ALK: variants seen among roughly 807,000 people sequenced by gnomAD.
ALK encodes ALK tyrosine kinase receptor.
Under a neutral mutation model 163.1 loss-of-function variants are expected in ALK, and 74 were observed. That is an observed-to-expected ratio of 0.45 (90% CI 0.38 to 0.55). The LOEUF is 0.55. Ranked by LOEUF, ALK falls within the 20% of genes least tolerant of loss-of-function variation. ALK has a pLI of 0.00. For synonymous variants in ALK, 960 were observed against 843.2 expected, an observed-to-expected ratio of 1.14 and a Z score of -2.40; for missense variants, 2,063 against 2,105.3, an observed-to-expected ratio of 0.98 and a Z score of 0.39.
At chr2:29,747,434 G>C (rs1245503165) in intron 1 of ALK, among the ~76,000 whole-genome samples, 1 of 152,222 alleles carries the variant, frequency 6.6e-6, no homozygotes, top group Non-Finnish European at 1.5e-5. Flanking sequence ...AAAAATGGAA[G>C]TTTCCTTTAC....
chr2:29,293,240 ATT>A (rs1377304981), intron 9 of ALK, among the ~76,000 whole-genome samples: 1 of 152,216 alleles, frequency 6.6e-6, no homozygotes, highest in Non-Finnish European at 1.5e-5. Flanking sequence ...TGTTAGATAG[ATT>A]CCATCAAGTG....
At chr2:29,684,610 A>C (rs537119892) in intron 3 of ALK, among the ~76,000 whole-genome samples, 8 of 152,338 alleles carry the variant, frequency 5.3e-5, no homozygotes, top group African/African-American at 1.7e-4. Context: ...ACCCCTCTGA[A>C]GACACGGCAC....
intron 1 of ALK, among the ~76,000 whole-genome samples, chr2:29,883,010 T>C (rs1666903243): frequency 6.6e-6 from 1 of 151,626 alleles, no homozygotes; most frequent in African/African-American, 2.4e-5. Flanking sequence ...AATGTTTATA[T>C]TGATAGAGAA....
Position 29,725,652 on chromosome 2 carries a change from C to T in ALK, c.668-7955G>A, listed in dbSNP as rs184197262. On this transcript the variant is annotated intron_variant, in intron 1 of 28. Coordinates refer to ENST00000389048, the MANE Select transcript of ALK (RefSeq NM_004304.5). Reference sequence around the variant, plus strand: ...TTGATTTCTTTTCTTTTTTTTTTTGCTCATTGATTTAGAAAAAATTAGGAA... The same window carrying T: ...TTGATTTCTTTTCTTTTTTTTTTTGTTCATTGATTTAGAAAAAATTAGGAA... Among the ~76,000 whole-genome samples, 233 of 149,518 alleles carry T rather than the reference C, an allele frequency of 1.6e-3. 4 individuals are homozygous for T. The highest frequency in any genetic ancestry group is 3.3e-4 in the Non-Finnish European group (22 of 67,446).
chr2:29,282,873 G>A (rs1665751039), intron 9 of ALK, among the ~76,000 whole-genome samples: 1 of 152,204 alleles, frequency 6.6e-6, no homozygotes, highest in Non-Finnish European at 1.5e-5. Flanking sequence ...GCTCCCTCCT[G>A]TGCTCTGGTG....
At chr2:29,841,873 C>T (rs1228961029) in intron 1 of ALK, among the ~76,000 whole-genome samples, 1 of 152,138 alleles carries the variant, frequency 6.6e-6, no homozygotes, top group Non-Finnish European at 1.5e-5. Flanking sequence ...GTTCCTTGAC[C>T]CTTATGCCTT....
chr2:29,577,634 G>A (rs1280379498), intron 3 of ALK, among the ~76,000 whole-genome samples: 1 of 145,462 alleles, frequency 6.9e-6, no homozygotes, highest in African/African-American at 2.6e-5. Flanking sequence ...TGCCCATCAT[G>A]GGACCATCCT....
intron 4 of ALK, among the ~76,000 whole-genome samples, chr2:29,467,906 T>C (rs1295189911): frequency 3.3e-5 from 5 of 152,318 alleles, no homozygotes; most frequent in East Asian, 3.9e-4. Context: ...AATATTGTTA[T>C]GTAACATATT....
chr2:29,367,873 CTCTGAAATCA>C (rs1190222848), intron 5 of ALK, among the ~76,000 whole-genome samples: 1 of 152,176 alleles, frequency 6.6e-6, no homozygotes, highest in Admixed American at 6.5e-5. Flanking sequence ...TTAAATGAAT[CTCTGAAATCA>C]TCTGAAATAT....
intron 1 of ALK, among the ~76,000 whole-genome samples, chr2:29,826,839 G>A (rs1665216318): frequency 1.3e-5 from 2 of 152,186 alleles, no homozygotes; most frequent in Admixed American, 6.5e-5. Context: ...AATTGGAGGG[G>A]CACTCAAAAT....
At chr2:29,442,474 G>A (rs1016682687) in intron 4 of ALK, among the ~76,000 whole-genome samples, 1 of 152,158 alleles carries the variant, frequency 6.6e-6, no homozygotes, top group South Asian at 2.1e-4. Flanking sequence ...CTGTCTGAGA[G>A]TATTGGTAAG....
chr2:29,831,169 G>GGA (rs2148387462), intron 1 of ALK, among the ~76,000 whole-genome samples: 3 of 39,640 alleles, frequency 7.6e-5, no homozygotes, highest in African/African-American at 2.1e-4. Flanking sequence ...AAGGAGAAGA[G>GGA]GAAGAGGAAG....
At chr2:29,613,320 GT>G (rs1236828329) in intron 3 of ALK, among the ~76,000 whole-genome samples, 1 of 152,112 alleles carries the variant, frequency 6.6e-6, no homozygotes, top group African/African-American at 2.4e-5. Flanking sequence ...CTTTTAATTA[GT>G]CTTGGCTTTC....
intron 3 of ALK, among the ~76,000 whole-genome samples, chr2:29,606,499 T>C (rs965326010): frequency 1.3e-5 from 2 of 152,202 alleles, no homozygotes; most frequent in African/African-American, 4.8e-5. Context: ...AAATAGCCCC[T>C]GCCAAAGAGA....
intron 1 of ALK, among the ~76,000 whole-genome samples, chr2:29,750,523 C>A (rs533208411): frequency 6.6e-5 from 10 of 151,702 alleles, no homozygotes; most frequent in Non-Finnish European, 1.3e-4. Flanking sequence ...ATTAGCTGGG[C>A]ATGGTGGCAT....
Position 29,680,237 on chromosome 2 carries a change from A to C in ALK, c.952+14613T>G, listed in dbSNP as rs569995523. Among the ~76,000 whole-genome samples the C allele has an allele frequency of 2.8e-4, 43 of 152,026 alleles. No homozygotes were observed. In the East Asian group the frequency reaches 8.1e-3, roughly 29 times the overall value. On this transcript the variant is annotated intron_variant, in intron 3 of 28. Transcript: ENST00000389048. ...TTGATTTTTTTCACCAAATTTGGCA[A>C]GTTTTAGGCCATTATTTCTTCAAAA...
intron 5 of ALK, among the ~76,000 whole-genome samples, chr2:29,334,269 G>C (rs576234806): frequency 3.0e-4 from 46 of 152,278 alleles, no homozygotes; most frequent in African/African-American, 1.1e-3. Flanking sequence ...TGACTTGAAG[G>C]GGGAGGTGTC....
At chr2:29,261,504 C>T (rs542193086) in intron 11 of ALK, among the ~76,000 whole-genome samples, 69 of 152,156 alleles carry the variant, frequency 4.5e-4, no homozygotes, top group African/African-American at 1.6e-3. Context: ...CCCTGTATGC[C>T]ATTTATCTGG....
chr2:29,786,196 C>T (rs1664019915), intron 1 of ALK, among the ~76,000 whole-genome samples: 1 of 151,958 alleles, frequency 6.6e-6, no homozygotes, highest in Non-Finnish European at 1.5e-5. Flanking sequence ...TAGTTTTTTT[C>T]TTCCTTTTCC....
Sources: allele counts gnomAD v4.1 joint callset (sites outside exome capture counted in the v4.1 genomes callset), GRCh38; gene constraint gnomAD v4.1.1; transcripts MANE v1.5; gene names NCBI Gene and HGNC (gene_info 2026-07-23, HGNC 2026-07-21).